The following ASPA variants were observed in gnomAD, a reference collection of about 807,000 sequenced individuals.
The protein encoded by ASPA is ACY-2.
In ASPA, 25 loss-of-function variants were observed where a neutral mutation model predicts 29.6. The observed-to-expected ratio is 0.85, with a 90% CI of 0.62 to 1.18. ASPA has a LOEUF of 1.18. Among genes scored for constraint, ASPA ranks in the 50% most tolerant of loss-of-function variants. ASPA has a pLI of 0.00. For missense variants in ASPA, 333 were observed against 385.7 expected (o/e 0.86, Z 1.14); for synonymous variants, 131 against 130.3 (o/e 1.01, Z -0.04).
rs935010731 is a variant in ASPA at position 3,501,106 on chromosome 17, T to C, written c.*2018T>C. 7.2e-5 allele frequency: 11 copies of C among 152,244 alleles called. No homozygotes were observed. Among genetic ancestry groups the C allele is most frequent in the African/African-American group, 2.6e-4 (11 of 41,546 alleles). The allele number at this position is 152,244 out of a possible 1,614,324, so 9.4% of individuals were successfully genotyped here. A position where few individuals can be genotyped will look rare whatever the true frequency, so the allele number is the denominator to read the frequency against. ...CCATGGATCAAGGCGTCATTGTGACTTTCAAATCTAACTATTTAAGAAATA... is the reference window on the plus strand; with the variant it reads ...CCATGGATCAAGGCGTCATTGTGACCTTCAAATCTAACTATTTAAGAAATA... On this transcript the variant is annotated 3_prime_UTR_variant, in exon 6 of 6. Coordinates refer to ENST00000263080, the MANE Select transcript of ASPA (RefSeq NM_000049.4).
At position 3,481,792 on chromosome 17, in the gene ASPA, C is replaced by T. The variant is rs1380839164; in HGVS notation, c.426C>T (p.Tyr142=). ...ACTTTTTAATTCAGATGTTTCATTA[C>T]ATTAAGGTAATGTTAATGTTATTAA... ...RNNFLIQMFH[Y]IKTSLAPLPC... is the part of the protein sequence containing the mutation. Residue 142 remains tyrosine (Y), a synonymous_variant, in exon 2 of 6, where the codon TAC becomes TAT. Coordinates refer to ENST00000263080, the MANE Select transcript of ASPA (RefSeq NM_000049.4). 6 of 1,600,852 alleles carry T rather than the reference C, an allele frequency of 3.7e-6. No homozygotes were observed. Among genetic ancestry groups the T allele is most frequent in the Non-Finnish European group, 5.1e-6 (6 of 1,170,834 alleles).
At chr17:3,495,802 C>T (rs951085106) in intron 5 of ASPA, among the ~76,000 whole-genome samples, 9 of 152,136 alleles carry the variant, frequency 5.9e-5, no homozygotes, top group Middle Eastern at 3.2e-3. Context: ...CTCCTGACAT[C>T]ATGATCCACC....
At chr17:3,487,208 G>A (rs1024380675) in intron 3 of ASPA, among the ~76,000 whole-genome samples, 66 of 152,238 alleles carry the variant, frequency 4.3e-4, no homozygotes, top group African/African-American at 1.5e-3. Context: ...GTGCCTACTA[G>A]AAGTTAAAGC....
At chr17:3,482,862 C>A (rs2073655604) in intron 2 of ASPA, among the ~76,000 whole-genome samples, 1 of 150,744 alleles carries the variant, frequency 6.6e-6, no homozygotes, top group African/African-American at 2.4e-5. Flanking sequence ...CATATGTATA[C>A]ATGTGCCATG....
chr17:3,481,741 T>C lies in ASPA; in HGVS notation c.375T>C (p.Thr125=), dbSNP rs776006406. 3.7e-6 allele frequency: 6 copies of C among 1,613,466 alleles called. No homozygotes were observed. The African/African-American group carries it at 6.7e-5, about 18-fold the overall frequency. ...LHNTTSNMGC[T]LILEDSRNNF... ...ACACCACCTCTAACATGGGGTGCAC[T>C]CTTATTCTTGAGGATTCCAGGAATA... Residue 125 remains threonine, a synonymous_variant, in exon 2 of 6, where the codon ACT becomes ACC. Transcript: ENST00000263080.
At chr17:3,497,702 T>C (rs1360806151) in intron 5 of ASPA, among the ~76,000 whole-genome samples, 1 of 152,158 alleles carries the variant, frequency 6.6e-6, no homozygotes, top group East Asian at 1.9e-4. Context: ...ACTAATGTCG[T>C]GCACGTGAAC....
intron 3 of ASPA, among the ~76,000 whole-genome samples, chr17:3,487,067 TGTGTGC>T (rs1260027867): frequency 7.0e-6 from 1 of 142,940 alleles, no homozygotes; most frequent in East Asian, 2.4e-4. Flanking sequence ...TTTATGTGTG[TGTGTGC>T]GTGTGTGTGT....
intron 4 of ASPA, among the ~76,000 whole-genome samples, chr17:3,492,449 G>A (rs2073840978): frequency 3.3e-5 from 5 of 152,218 alleles, no homozygotes; most frequent in Admixed American, 3.3e-4. Flanking sequence ...CTTGGAAGGT[G>A]TGGTAGATTT....
intron 4 of ASPA, 71 bp from the exon 5 acceptor site, chr17:3,494,279 C>T: frequency 8.4e-7 from 1 of 1,196,114 alleles, no homozygotes; most frequent in Non-Finnish European, 1.2e-6. Flanking sequence ...GCTGGGATGA[C>T]AGGCATGAGC....
rs114801909 is a variant in ASPA, at chr17:3,488,693, T to C, written c.527-542T>C. ...TAAATAAATAAAACCATTGCACTATTGTGTTAGGATGGATTGCTAGGTTAA... is the reference window on the plus strand; with the variant it reads ...TAAATAAATAAAACCATTGCACTATCGTGTTAGGATGGATTGCTAGGTTAA... On this transcript the variant is annotated intron_variant, in intron 3 of 5. Transcript: ENST00000263080. This position sits in a 1 kb window ranked among gnomAD's most constrained non-coding sequence, Gnocchi z 6.1. 3.6e-3 allele frequency among the ~76,000 whole-genome samples: 551 copies of C among 152,198 alleles called. 5 individuals are homozygous for C. Among genetic ancestry groups the C allele is most frequent in the African/African-American group, 0.012 (503 of 41,520 alleles).
At chr17:3,489,467 G>A (rs1597439389) in intron 4 of ASPA, 125 bp downstream of exon 4, 1 of 767,774 alleles carries the variant, frequency 1.3e-6, no homozygotes, top group African/African-American at 1.7e-5. Flanking sequence ...ATTCACTTCA[G>A]CTATTCCCCA....
intron 4 of ASPA, among the ~76,000 whole-genome samples, chr17:3,491,358 T>C (rs1006496421): frequency 6.6e-6 from 1 of 152,174 alleles, no homozygotes. Flanking sequence ...GAACTGTAAA[T>C]AAATTCTGAG....
intron 1 of ASPA, among the ~76,000 whole-genome samples, chr17:3,478,583 A>T (rs1485930099): frequency 6.6e-6 from 1 of 152,226 alleles, no homozygotes; most frequent in Non-Finnish European, 1.5e-5. Context: ...CTTCCCAAAT[A>T]GGTGTGAAAT....
intron 4 of ASPA, among the ~76,000 whole-genome samples, chr17:3,491,871 T>C (rs995419297): frequency 4.0e-5 from 5 of 126,024 alleles, no homozygotes; most frequent in Non-Finnish European, 8.3e-5. Flanking sequence ...TTTTTTCTTT[T>C]GTTTTCTTTT....
At chr17:3,480,072 C>T (rs1392580776) in intron 1 of ASPA, among the ~76,000 whole-genome samples, 5 of 152,102 alleles carry the variant, frequency 3.3e-5, no homozygotes, top group African/African-American at 1.2e-4. Flanking sequence ...TGTCCCTGGA[C>T]CTCTAGTGGT....
At chr17:3,477,998 C>T (rs113079602) in intron 1 of ASPA, among the ~76,000 whole-genome samples, 8 of 151,586 alleles carry the variant, frequency 5.3e-5, no homozygotes, top group African/African-American at 1.7e-4. Context: ...CTGGCTAACA[C>T]GGTAAAACCC....
rs2150764080 is a variant in ASPA at position 3,498,967 on chromosome 17, G to A, written c.821G>A (p.Gly274Glu). The A allele has an allele frequency of 6.2e-7, 1 of 1,614,088 alleles. No homozygotes were observed. The highest frequency in any genetic ancestry group is 8.5e-7 in the Non-Finnish European group (1 of 1,179,958). The change falls in exon 6 of 6, where the codon GGA (glycine) becomes GAA (glutamate). Residue 274 changes from glycine (G) to glutamate (E), a missense_variant. Gly to Glu is a moderately conservative substitution (Grantham distance 98). Transcript: ENST00000263080. ...GATGGGAAGACGATCCCACTGGGCG[G>A]AGACTGTACCGTGTACCCCGTGTTT... Reference protein sequence around the residue: ...TLDGKTIPLGGDCTVYPVFVN... With the variant: ...TLDGKTIPLGEDCTVYPVFVN...
intron 4 of ASPA, 90 bp downstream of exon 4, chr17:3,489,432 A>C: frequency 9.0e-7 from 1 of 1,117,066 alleles, no homozygotes; most frequent in Non-Finnish European, 1.4e-6. Context: ...CATGCTAAAG[A>C]TATGAAGTGC....
rs7220559 is a variant in ASPA at position 3,485,302 on chromosome 17, A to G, written c.526+1710A>G. 0.65 allele frequency among the ~76,000 whole-genome samples: 98,710 copies of G among 152,030 alleles called. 33,464 individuals carry two copies. Among genetic ancestry groups the G allele is most frequent in the Non-Finnish European group, 0.76 (51,465 of 67,974 alleles). ...TGGGATTACAAGCGTGAGCCACCACACCTGTACCTCATTCACAGTTTTAAT... is the reference window on the plus strand; with the variant it reads ...TGGGATTACAAGCGTGAGCCACCACGCCTGTACCTCATTCACAGTTTTAAT... On this transcript the variant is annotated intron_variant, in intron 3 of 5. Transcript: ENST00000263080. The surrounding 1 kb of genome is among the most constrained non-coding windows in gnomAD (Gnocchi z 4.4).
Sources: gnomAD v4.1 joint callset for allele counts (sites outside exome capture counted in the v4.1 genomes callset) on GRCh38, gnomAD v4.1.1 for gene constraint, Gnocchi (gnomAD v3.1) non-coding constraint, MANE v1.5 for transcripts, NCBI Gene and HGNC (gene_info 2026-07-23, HGNC 2026-07-21) for gene names.